The following MGAT4D variants were observed in gnomAD, a reference collection of about 807,000 sequenced individuals.
MGAT4D encodes MGAT4 family member D.
A neutral mutation model predicts 15.9 loss-of-function variants in MGAT4D; 34 were observed. The ratio of observed to expected loss-of-function variants is 2.14; its 90% CI spans 1.62 to 2.84. The LOEUF is 2.84. Ranked by LOEUF, MGAT4D falls within the 30% of genes most tolerant of loss-of-function variation. The probability of loss-of-function intolerance (pLI) is 0.00; values close to 1 mark genes in which losing one functional copy is unlikely to be tolerated. For missense variants in MGAT4D, 327 were observed against 140.2 expected (o/e 2.33, Z -6.73); for synonymous variants, 112 against 48.2 (o/e 2.33, Z -5.49).
chr4:140,495,073 T>C (rs972694390), intron 1 of MGAT4D, among the ~76,000 whole-genome samples: 1 of 152,210 alleles, frequency 6.6e-6, no homozygotes, highest in Non-Finnish European at 1.5e-5. Flanking sequence ...GAGTCCTTAC[T>C]ATGGTCCCCA....
At chr4:140,463,010 C>T (rs1731295930) in intron 6 of MGAT4D, among the ~76,000 whole-genome samples, 1 of 152,074 alleles carries the variant, frequency 6.6e-6, no homozygotes, top group South Asian at 2.1e-4. Context: ...CTGCGAGTTC[C>T]CAAAGTGTAA....
chr4:140,451,738 T>C (rs182463629), intron 9 of MGAT4D, among the ~76,000 whole-genome samples: 13 of 152,268 alleles, frequency 8.5e-5, no homozygotes, highest in Admixed American at 4.6e-4. Context: ...TTGCATGAAC[T>C]CTGTCTTAGA....
chr4:140,443,463 A>T lies in MGAT4D; in HGVS notation c.1117-19T>A. 1 of 537,384 alleles carries T rather than the reference A, an allele frequency of 1.9e-6. No homozygotes were observed. The allele number at this position is 537,384 out of a possible 1,614,324, so 33.3% of individuals were successfully genotyped here. ...ATATTTTCTGAAATGAAAACAAAAAATGTAACATCTAGAAATAATATATTA... is the reference window on the plus strand; with the variant it reads ...ATATTTTCTGAAATGAAAACAAAAATTGTAACATCTAGAAATAATATATTA... On this transcript the variant is annotated intron_variant, in intron 10 of 10. Coordinates refer to ENST00000511113, the MANE Select transcript of MGAT4D (RefSeq NM_001277353.2).
chr4:140,458,182 A>C (rs1230483622), intron 8 of MGAT4D: 1 of 152,144 alleles, frequency 6.6e-6, no homozygotes, highest in Non-Finnish European at 1.5e-5. Context: ...ATGTCACTTC[A>C]TTTTTTCATG....
At chr4:140,457,963 T>A (rs1730915502) in intron 8 of MGAT4D, 1 of 152,108 alleles carries the variant, frequency 6.6e-6, no homozygotes, top group African/African-American at 2.4e-5. Context: ...AACAGATGGA[T>A]CTCACTAGCA....
chr4:140,483,338 T>G lies in MGAT4D; in HGVS notation c.95-853A>C, dbSNP rs555804766. On this transcript the variant is annotated intron_variant, in intron 1 of 10. Coordinates refer to ENST00000511113, the MANE Select transcript of MGAT4D (RefSeq NM_001277353.2). Reference sequence around the variant, plus strand: ...CCAAGGAGGTGAAAGAATGGTGCACTGAAAACTATATAATCTGGGTGAAAG... The same window carrying G: ...CCAAGGAGGTGAAAGAATGGTGCACGGAAAACTATATAATCTGGGTGAAAG... Among the ~76,000 whole-genome samples the G allele has an allele frequency of 9.9e-5, 15 of 152,226 alleles. No individual in the cohort carries two copies. In the South Asian group the frequency reaches 1.0e-3, roughly 11 times the overall value.
intron 10 of MGAT4D, 92 bp downstream of exon 10, chr4:140,451,318 A>G (rs1381086830): frequency 3.4e-5 from 14 of 411,974 alleles, no homozygotes; most frequent in Admixed American, 4.2e-5. Flanking sequence ...ACCATATTTT[A>G]TAGTGTCTTA....
chr4:140,444,679 G>A (rs1729971512), intron 10 of MGAT4D, among the ~76,000 whole-genome samples: 1 of 152,100 alleles, frequency 6.6e-6, no homozygotes, highest in South Asian at 2.1e-4. Flanking sequence ...GAACATATGT[G>A]TGCATGTGTC....
intron 3 of MGAT4D, among the ~76,000 whole-genome samples, chr4:140,479,106 C>G (rs915864832): frequency 1.3e-5 from 2 of 152,186 alleles, no homozygotes; most frequent in Non-Finnish European, 2.9e-5. Context: ...CCTCAAACAT[C>G]ACCTGTTGTA....
intron 10 of MGAT4D, among the ~76,000 whole-genome samples, chr4:140,447,665 C>T (rs1327458421): frequency 6.6e-6 from 1 of 151,820 alleles, no homozygotes; most frequent in Non-Finnish European, 1.5e-5. Flanking sequence ...ATCCAGCTTG[C>T]CACTCTGCCT....
At chr4:140,491,804 C>T (rs56345455) in intron 1 of MGAT4D, among the ~76,000 whole-genome samples, 2,170 of 152,112 alleles carry the variant, frequency 0.014, 26 homozygotes, top group South Asian at 0.045. Context: ...CAAGTGTCTT[C>T]CAGAGAAATT....
intron 9 of MGAT4D, among the ~76,000 whole-genome samples, chr4:140,456,202 T>C (rs946185338): frequency 6.6e-6 from 1 of 152,232 alleles, no homozygotes; most frequent in Admixed American, 6.5e-5. Context: ...ATTTTTTTCA[T>C]CCACAAGTTT....
chr4:140,461,141 C>A (rs1159411913), intron 7 of MGAT4D, among the ~76,000 whole-genome samples: 1 of 152,178 alleles, frequency 6.6e-6, no homozygotes, highest in Non-Finnish European at 1.5e-5. Flanking sequence ...ATGTGGCAGT[C>A]CTCAGGCACA....
intron 2 of MGAT4D, among the ~76,000 whole-genome samples, chr4:140,480,385 A>C (rs1732621662): frequency 2.0e-5 from 3 of 152,168 alleles, no homozygotes; most frequent in African/African-American, 7.2e-5. Context: ...GAATTTTTTT[A>C]AAAACAAAAA....
intron 9 of MGAT4D, among the ~76,000 whole-genome samples, chr4:140,456,354 A>AT (rs563094218): frequency 3.5e-4 from 52 of 149,964 alleles, no homozygotes; most frequent in East Asian, 5.9e-4. Context: ...TACGTCTATC[A>AT]TTTTTTTTTC....
At position 140,479,517 on chromosome 4, in the gene MGAT4D, C is replaced by G; in HGVS notation, c.364G>C (p.Val122Leu). 1 of 542,256 alleles carries G rather than the reference C, an allele frequency of 1.8e-6. No individual in the cohort carries two copies. Among genetic ancestry groups the G allele is most frequent in the Admixed American group, 3.5e-5 (1 of 28,190 alleles). 33.6% of individuals were successfully genotyped at this position (542,256 alleles called of 1,614,324 possible). A position where few individuals can be genotyped will look rare whatever the true frequency, so the allele number is the denominator to read the frequency against. The change falls in exon 3 of 11, where the codon GTA becomes CTA. Residue 122 changes from valine to leucine, a missense_variant. Val to Leu is a conservative substitution (Grantham distance 32, BLOSUM62 1). Coordinates refer to ENST00000511113, the MANE Select transcript of MGAT4D (RefSeq NM_001277353.2). ...LRKEGRIYPD[V>L]IIGKGKTGVS... ...CCAGTTTTCCCTTTGCCAATGATTA[C>G]ATCAGGATAAATTCTACCTTCTTTC...
In MGAT4D at chr4:140,466,836, T is replaced by C. The variant is rs1166036814; in HGVS notation, c.573-1827A>G. Among the ~76,000 whole-genome samples the C allele has an allele frequency of 2.0e-5, 3 of 152,142 alleles. No individual in the cohort carries two copies. The East Asian group carries it at 5.8e-4, about 29-fold the overall frequency. On this transcript the variant is annotated intron_variant, in intron 5 of 10. Coordinates refer to ENST00000511113, the MANE Select transcript of MGAT4D (RefSeq NM_001277353.2). The stretch of plus-strand genomic sequence containing the variant: ...ACAAACACACATGGAAGAAAGCTCA[T>C]GTTTTATAATGGGTATGTATCACGA...
chr4:140,443,614 T>C (rs916868766), intron 10 of MGAT4D, among the ~76,000 whole-genome samples, 170 bp from the exon 11 acceptor site: 2 of 152,086 alleles, frequency 1.3e-5, no homozygotes, highest in Non-Finnish European at 2.9e-5. Flanking sequence ...GAAGATAAGA[T>C]TCTCAAGATG....
At chr4:140,458,260 A>C (rs1438868253) in intron 8 of MGAT4D, 1 of 152,228 alleles carries the variant, frequency 6.6e-6, no homozygotes, top group Non-Finnish European at 1.5e-5. Flanking sequence ...GTGAGTGATA[A>C]GTGATAAGTC....
Sources: gnomAD v4.1 joint callset for allele counts (sites outside exome capture counted in the v4.1 genomes callset) on GRCh38, gnomAD v4.1.1 for gene constraint, MANE v1.5 for transcripts, NCBI Gene and HGNC (gene_info 2026-07-23, HGNC 2026-07-21) for gene names.